The following ZNF768 variants were observed in gnomAD, a reference collection of about 807,000 sequenced individuals.
ZNF768 encodes the protein zinc finger protein 768.
A neutral mutation model predicts 39.7 loss-of-function variants in ZNF768; 12 were observed. The observed-to-expected ratio is 0.30, with a 90% CI of 0.19 to 0.49. The LOEUF is 0.49. Ranked by LOEUF, ZNF768 falls within the 20% of genes least tolerant of loss-of-function variation. The pLI is 0.99. For synonymous variants in ZNF768, 360 were observed against 288.4 expected (o/e 1.25, Z -2.52); for missense variants, 613 against 723.2 (o/e 0.85, Z 1.75).
chr16:30,526,611 G>A (rs1368713547), upstream of ZNF768: 3 of 1,000,120 alleles, frequency 3.0e-6, no homozygotes, highest in Non-Finnish European at 3.6e-6. Context: ...CCCTGCCCGC[G>A]GCCCCGCCCC....
In ZNF768 at chr16:30,525,721, G is replaced by C; in HGVS notation, c.419C>G (p.Pro140Arg). The change falls in exon 2 of 2, where the codon CCT becomes CGT. Residue 140 changes from proline to arginine, a missense_variant. Around this residue, in one of 4 missense-constraint regions of ZNF768, gnomAD observed 347 missense variants for 326.1 expected, o/e 1.06. Transcript: ENST00000380412. ...PRSPGYEPRS[P>R]GYESESSRYE... ...TCTAGAGCTCTCAGATTCATAGCCA[G>C]GGCTCCGGGGTTCATACCCGGGGCT... The C allele has an allele frequency of 6.2e-7, 1 of 1,612,404 alleles. No homozygotes were observed. Among genetic ancestry groups the C allele is most frequent in the Non-Finnish European group, 8.5e-7 (1 of 1,179,234 alleles).
At chr16:30,529,360 C>T (rs1011963384), upstream of ZNF768, among the ~76,000 whole-genome samples, 17 of 152,228 alleles carry the variant, frequency 1.1e-4, no homozygotes, top group African/African-American at 3.9e-4. Flanking sequence ...TATCTCCTGG[C>T]ATGCCCAGCA....
rs2051307303 is a variant in ZNF768, at chr16:30,524,960, C to G, written c.1180G>C (p.Val394Leu). 1 of 1,613,602 alleles carries G rather than the reference C, an allele frequency of 6.2e-7. No individual in the cohort carries two copies. The highest frequency in any genetic ancestry group is 1.3e-5 in the African/African-American group (1 of 74,836). The change falls in exon 2 of 2, where the codon GTG (valine) becomes CTG (leucine). Residue 394 changes from valine (V) to leucine (L), a missense_variant. Transcript: ENST00000380412. ...QNSSLRSHQR[V>L]HTGQRPFSCG... Reference sequence around the variant, plus strand: ...CTGAAGGGCCTCTGACCGGTGTGCACCCTCTGATGGCTGCGCAGGGACGAG... The same window carrying G: ...CTGAAGGGCCTCTGACCGGTGTGCAGCCTCTGATGGCTGCGCAGGGACGAG...
Position 30,525,500 on chromosome 16 carries a change from G to A in ZNF768, c.640C>T (p.Pro214Ser), listed in dbSNP as rs2051313302. 1 of 1,614,154 alleles carries A rather than the reference G, an allele frequency of 6.2e-7. No homozygotes were observed. Among genetic ancestry groups the A allele is most frequent in the Non-Finnish European group, 8.5e-7 (1 of 1,180,012 alleles). The change falls in exon 2 of 2, where the codon CCA becomes TCA. Residue 214 changes from proline (P) to serine (S), a missense_variant. By Grantham distance (74) the Pro-to-Ser change is moderately conservative (BLOSUM62 -1). Transcript: ENST00000380412. ...EQPTGDLPIG[P>S]PFEMPTGALL... ...GCCCCTGTGGGCATCTCAAAAGGTG[G>A]CCCTATGGGCAGGTCCCCTGTGGGC...
chr16:30,525,393 A>G lies in ZNF768; in HGVS notation c.747T>C (p.Gly249=). ...GGCCCTGCCCACCCCTGGCCCGGCCACCCCGCCGACCTGGACCTCGAAGGG... is the reference window on the plus strand; with the variant it reads ...GGCCCTGCCCACCCCTGGCCCGGCCGCCCCGCCGACCTGGACCTCGAAGGG... The part of the protein sequence containing the change: ...TGALRGPGRR[G]GRARGGQGPR... The change falls in exon 2 of 2, where the codon GGT becomes GGC. Residue 249 remains glycine (G), a synonymous_variant. Coordinates refer to ENST00000380412, the MANE Select transcript of ZNF768 (RefSeq NM_024671.4). 6.2e-7 allele frequency: 1 copy of G among 1,613,958 alleles called. No homozygotes were observed.
upstream of ZNF768, chr16:30,528,202 T>C (rs2151216334): frequency 6.6e-6 from 1 of 151,616 alleles, no homozygotes; most frequent in East Asian, 1.9e-4. Context: ...TGAAAAGAGG[T>C]GAGAACAAGA....
chr16:30,530,429 T>G (rs1279241729), upstream of ZNF768: 1 of 152,360 alleles, frequency 6.6e-6, no homozygotes, highest in Admixed American at 6.5e-5. The surrounding 1 kb of genome is among the most constrained non-coding windows in gnomAD (Gnocchi z 4.4). Context: ...TGGCTGTCAG[T>G]CTGGGCTGAG....
chr16:30,531,551 G>C (rs1310330347), upstream of ZNF768: 4 of 152,202 alleles, frequency 2.6e-5, no homozygotes, highest in Admixed American at 2.6e-4. Context: ...ACTTTGGGAG[G>C]CCAAGGTGGG....
upstream of ZNF768, chr16:30,526,716 GC>G: frequency 2.5e-6 from 2 of 795,468 alleles, no homozygotes; most frequent in Non-Finnish European, 1.5e-6. Context: ...GCGGCCCCCG[GC>G]CCCCGCTCCC....
chr16:30,524,150 T>C lies in ZNF768; in HGVS notation c.*367A>G, dbSNP rs1353392496. The C allele has an allele frequency of 1.4e-5, 3 of 209,526 alleles. No individual in the cohort carries two copies. Among genetic ancestry groups the C allele is most frequent in the Non-Finnish European group, 2.9e-5 (3 of 104,976 alleles). The allele number at this position is 209,526 out of a possible 1,614,324, so 13.0% of individuals were successfully genotyped here. ...CACCTACCTTTTACCCGCTCCTGAC[T>C]CAACGAGAGTTTCAGCAGCTACCAA... On this transcript the variant is annotated 3_prime_UTR_variant, in exon 2 of 2. Coordinates refer to ENST00000380412, the MANE Select transcript of ZNF768 (RefSeq NM_024671.4).
At chr16:30,529,829 T>G (rs979501033), upstream of ZNF768, among the ~76,000 whole-genome samples, 14 of 149,946 alleles carry the variant, frequency 9.3e-5, no homozygotes, top group African/African-American at 2.7e-4. Flanking sequence ...TAGTTTTTTT[T>G]TTTTTTTTTT....
upstream of ZNF768, chr16:30,531,614 C>A (rs2051375947): frequency 6.6e-6 from 1 of 151,862 alleles, no homozygotes; most frequent in Non-Finnish European, 1.5e-5. Context: ...ATAGTGGGAA[C>A]CCCATCTCTG....
upstream of ZNF768, chr16:30,527,231 C>T (rs141391720): frequency 1.5e-3 from 1,483 of 985,712 alleles, 21 homozygotes; most frequent in African/African-American, 0.024. Context: ...GTCCTTGAGC[C>T]TGGGACCCCC....
At chr16:30,532,379 G>A in the ZNF768 span, 10 of 1,174,136 alleles carry the variant, frequency 8.5e-6, no homozygotes, top group South Asian at 2.8e-5. Flanking sequence ...CAGACTGTCC[G>A]CACCCCAGGC....
At position 30,526,017 on chromosome 16, in the gene ZNF768, A is replaced by G; in HGVS notation, c.123T>C (p.Ser41=). The part of the protein sequence containing the change: ...NMSENEEEEI[S]QQEGSGDYEV... ...CATAGTCCCCACTGCCTTCTTGCTG[A>G]GAAATTTCCTCTTCCTCATTCTCAC... The change falls in exon 2 of 2, where the codon TCT becomes TCC. Residue 41 remains serine (S), a synonymous_variant. Transcript: ENST00000380412. 1 of 1,496,792 alleles carries G rather than the reference A, an allele frequency of 6.7e-7. No individual in the cohort carries two copies. Among genetic ancestry groups the G allele is most frequent in the South Asian group, 1.4e-5 (1 of 70,528 alleles). 92.7% of individuals were successfully genotyped at this position (1,496,792 alleles called of 1,614,324 possible). A position where few individuals can be genotyped will look rare whatever the true frequency, so the allele number is the denominator to read the frequency against.
At chr16:30,527,041 C>T, upstream of ZNF768, 5 of 985,448 alleles carry the variant, frequency 5.1e-6, no homozygotes, top group Non-Finnish European at 6.0e-6. Flanking sequence ...TCTCCCGGGC[C>T]CCGCGTCGTC....
chr16:30,532,334 G>T, the ZNF768 span: 1 of 779,874 alleles, frequency 1.3e-6, no homozygotes, highest in Non-Finnish European at 2.0e-6. Context: ...CGGGGAGCAA[G>T]GTGCTGGCAG....
chr16:30,524,538 G>T lies in ZNF768; in HGVS notation c.1602C>A (p.Thr534=). 6.2e-7 allele frequency: 1 copy of T among 1,609,976 alleles called. No individual in the cohort carries two copies. The highest frequency in any genetic ancestry group is 1.3e-5 in the African/African-American group (1 of 75,008). ...QSSDLIRHQR[T]HAAGRR is the part of the protein sequence containing the mutation. ...CAGGTCAGCGCCGGCCCGCCGCGTGGGTCCGCTGGTGGCGGATGAGGTCGG... is the reference window on the plus strand; with the variant it reads ...CAGGTCAGCGCCGGCCCGCCGCGTGTGTCCGCTGGTGGCGGATGAGGTCGG... Residue 534 remains threonine (T), a synonymous_variant, in exon 2 of 2, where the codon ACC becomes ACA. Transcript: ENST00000380412.
upstream of ZNF768, among the ~76,000 whole-genome samples, chr16:30,529,468 G>A (rs560322811): frequency 6.6e-6 from 1 of 152,352 alleles, no homozygotes; most frequent in Admixed American, 6.5e-5. Context: ...CTCAGTGAGA[G>A]GAGCTTCCGT....
Sources: allele counts gnomAD v4.1 joint callset (sites outside exome capture counted in the v4.1 genomes callset), GRCh38; gene constraint gnomAD v4.1.1; regional missense constraint gnomAD v4.1.1; non-coding constraint Gnocchi (gnomAD v3.1); transcripts MANE v1.5; gene names NCBI Gene and HGNC (gene_info 2026-07-23, HGNC 2026-07-21).